PTPRM: variants seen among roughly 807,000 people sequenced by gnomAD.
PTPRM encodes protein tyrosine phosphatase receptor type M.
PTPRM carries 47 observed loss-of-function variants against 186.7 expected under a neutral mutation model. The ratio of observed to expected loss-of-function variants is 0.25; its 90% CI spans 0.20 to 0.32. The LOEUF (loss-of-function observed/expected upper bound fraction) is 0.32. PTPRM is among the 10% of genes least tolerant of loss of function. PTPRM has a pLI of 1.00. For synonymous variants in PTPRM, 668 were observed against 674.9 expected, an observed-to-expected ratio of 0.99 and a Z score of 0.16; for missense variants, 1,494 against 1,865.0, an observed-to-expected ratio of 0.80 and a Z score of 3.66.
chr18:8,286,023 G>A (rs1334636142), intron 19 of PTPRM, among the ~76,000 whole-genome samples: 1 of 152,128 alleles, frequency 6.6e-6, no homozygotes, highest in Non-Finnish European at 1.5e-5. Context: ...TGCAAGTACT[G>A]TAAATGTATT....
At chr18:8,400,324 C>T (rs958180712) in intron 32 of PTPRM, among the ~76,000 whole-genome samples, 1 of 152,240 alleles carries the variant, frequency 6.6e-6, no homozygotes, top group African/African-American at 2.4e-5. Context: ...TTAAAAGCCC[C>T]TGGTGAGTCT....
Position 8,205,413 on chromosome 18 carries a change from A to G in PTPRM, c.2301-38645A>G, listed in dbSNP as rs140603654. On this transcript the variant is annotated intron_variant, in intron 14 of 32. Coordinates refer to ENST00000580170, the MANE Select transcript of PTPRM (RefSeq NM_001105244.2). Reference sequence around the variant, plus strand: ...TTTTTGAGGTATATACAAAACATGCATATGGTTTTCATCACTAGAAATAAA... The same window carrying G: ...TTTTTGAGGTATATACAAAACATGCGTATGGTTTTCATCACTAGAAATAAA... Among the ~76,000 whole-genome samples, 470 of 152,334 alleles carry G rather than the reference A, an allele frequency of 3.1e-3. 1 individual carries two copies. Among genetic ancestry groups the G allele is most frequent in the African/African-American group, 0.011 (438 of 41,584 alleles).
At chr18:7,647,089 G>A (rs1273488250) in intron 1 of PTPRM, among the ~76,000 whole-genome samples, 4 of 152,086 alleles carry the variant, frequency 2.6e-5, no homozygotes, top group African/African-American at 7.2e-5. Context: ...CAGTGATACC[G>A]GGGTGGGTGA....
At chr18:7,746,064 A>T (rs1159094538) in intron 1 of PTPRM, among the ~76,000 whole-genome samples, 1 of 152,212 alleles carries the variant, frequency 6.6e-6, no homozygotes, top group Non-Finnish European at 1.5e-5. Context: ...GAATAGGGGG[A>T]TAAAGGCAAT....
intron 14 of PTPRM, among the ~76,000 whole-genome samples, chr18:8,164,101 A>G (rs1225551464): frequency 1.3e-5 from 2 of 152,250 alleles, no homozygotes; most frequent in African/African-American, 4.8e-5. Context: ...AGAATAGAAG[A>G]AAAGAAATCG....
At chr18:8,336,869 C>A (rs567541337) in intron 22 of PTPRM, among the ~76,000 whole-genome samples, 1 of 151,894 alleles carries the variant, frequency 6.6e-6, no homozygotes, top group Non-Finnish European at 1.5e-5. Context: ...CTCAGCTACT[C>A]AGAAGGCTGA....
chr18:7,984,980 CAT>C (rs1165417709), intron 7 of PTPRM, among the ~76,000 whole-genome samples: 2 of 113,406 alleles, frequency 1.8e-5, no homozygotes, highest in African/African-American at 3.7e-5. Flanking sequence ...ATTATATATA[CAT>C]ATAATTATAT....
chr18:7,752,641 C>T (rs1463143458), intron 1 of PTPRM, among the ~76,000 whole-genome samples: 1 of 151,932 alleles, frequency 6.6e-6, no homozygotes, highest in Non-Finnish European at 1.5e-5. Flanking sequence ...TGGGGTTTCA[C>T]CATGTTGTCC....
intron 5 of PTPRM, among the ~76,000 whole-genome samples, chr18:7,948,920 T>C (rs948908351): frequency 6.6e-6 from 1 of 152,212 alleles, no homozygotes; most frequent in East Asian, 1.9e-4. Flanking sequence ...GTTGCACTAA[T>C]TAACATAATA....
intron 7 of PTPRM, among the ~76,000 whole-genome samples, chr18:8,024,471 A>G (rs773306697): frequency 1.3e-5 from 2 of 152,082 alleles, no homozygotes; most frequent in Non-Finnish European, 2.9e-5. Flanking sequence ...TGACCACGTA[A>G]TTTGTCATCT....
intron 1 of PTPRM, among the ~76,000 whole-genome samples, chr18:7,722,420 T>C (rs1273161965): frequency 6.6e-6 from 1 of 152,112 alleles, no homozygotes; most frequent in African/African-American, 2.4e-5. Context: ...GTAGGAGACA[T>C]ACTGTACACC....
chr18:8,323,813 A>G (rs1208634404), intron 22 of PTPRM, among the ~76,000 whole-genome samples: 3 of 152,130 alleles, frequency 2.0e-5, no homozygotes, highest in Non-Finnish European at 4.4e-5. Flanking sequence ...CCGCCCAGCC[A>G]TGTGCACTCT....
At chr18:8,035,127 G>A (rs942984033) in intron 7 of PTPRM, among the ~76,000 whole-genome samples, 6 of 152,078 alleles carry the variant, frequency 3.9e-5, no homozygotes, top group African/African-American at 9.7e-5. Flanking sequence ...CTGGATAGCC[G>A]AGAATCTTCC....
At chr18:7,586,278 G>A (rs2036977092) in intron 1 of PTPRM, among the ~76,000 whole-genome samples, 1 of 152,112 alleles carries the variant, frequency 6.6e-6, no homozygotes, top group African/African-American at 2.4e-5. Context: ...TTCTCTGTTG[G>A]TTGGTTAGTC....
chr18:8,372,304 G>A (rs1420894040), intron 24 of PTPRM, among the ~76,000 whole-genome samples: 1 of 143,692 alleles, frequency 7.0e-6, no homozygotes, highest in Non-Finnish European at 1.5e-5. Flanking sequence ...TCGATCTCCT[G>A]ACCTCATGAT....
At chr18:7,719,522 A>C (rs2040407867) in intron 1 of PTPRM, among the ~76,000 whole-genome samples, 1 of 152,200 alleles carries the variant, frequency 6.6e-6, no homozygotes, top group African/African-American at 2.4e-5. Flanking sequence ...CTGTTCCCAA[A>C]AAACTATTAA....
intron 7 of PTPRM, among the ~76,000 whole-genome samples, chr18:8,053,520 T>C (rs1302286148): frequency 6.6e-6 from 1 of 152,200 alleles, no homozygotes; most frequent in Admixed American, 6.5e-5. Flanking sequence ...GTGCTCCATG[T>C]CTGTTCTTTC....
intron 1 of PTPRM, among the ~76,000 whole-genome samples, chr18:7,574,989 G>C (rs532666097): frequency 6.6e-6 from 1 of 152,150 alleles, no homozygotes; most frequent in Non-Finnish European, 1.5e-5. Context: ...CCGAGATCGC[G>C]CCACTGCACT....
At chr18:7,868,905 A>C (rs1358614307) in intron 2 of PTPRM, among the ~76,000 whole-genome samples, 2 of 152,178 alleles carry the variant, frequency 1.3e-5, no homozygotes, top group African/African-American at 4.8e-5. Context: ...CCCAGAGAGG[A>C]GGAAGCTAGA....
Sources: allele counts gnomAD v4.1 joint callset (sites outside exome capture counted in the v4.1 genomes callset), GRCh38; gene constraint gnomAD v4.1.1; transcripts MANE v1.5; gene names NCBI Gene and HGNC (gene_info 2026-07-23, HGNC 2026-07-21).